CTTN: variants seen among roughly 807,000 people sequenced by gnomAD.
CTTN encodes cortactin.
Under a neutral mutation model 84.0 loss-of-function variants are expected in CTTN, and 28 were observed. That is an observed-to-expected ratio of 0.33 (90% CI 0.25 to 0.46). CTTN has a LOEUF of 0.46. Among genes scored for constraint, CTTN ranks in the 20% least tolerant of loss-of-function variants. The pLI, the probability that CTTN is intolerant of heterozygous loss-of-function variation, is 1.00. For synonymous variants in CTTN, 301 were observed against 288.8 expected, an observed-to-expected ratio of 1.04 and a Z score of -0.43; for missense variants, 641 against 723.8, an observed-to-expected ratio of 0.89 and a Z score of 1.31.
chr11:70,406,806 G>T (rs2058045037), intron 2 of CTTN, among the ~76,000 whole-genome samples: 1 of 152,090 alleles, frequency 6.6e-6, no homozygotes, highest in Admixed American at 6.6e-5. Context: ...TTATTGTTAT[G>T]GTTTCAGTAA....
intron 11 of CTTN, chr11:70,422,421 G>A (rs2058248080): frequency 1.9e-6 from 2 of 1,037,540 alleles, no homozygotes; most frequent in African/African-American, 1.6e-5. Context: ...CTGCATGACA[G>A]TGTGACTTTC....
chr11:70,416,817 A>T, intron 7 of CTTN, 196 bp from the exon 8 acceptor site: 1 of 564,332 alleles, frequency 1.8e-6, no homozygotes, highest in East Asian at 2.9e-5. Flanking sequence ...AGGGCCCAGA[A>T]CCCCCCCATG....
intron 4 of CTTN, 122 bp downstream of exon 4, chr11:70,407,713 C>A: frequency 1.3e-6 from 1 of 770,940 alleles, no homozygotes; most frequent in Non-Finnish European, 2.1e-6. Flanking sequence ...TCTTCTTGAC[C>A]TGATACCCAT....
intron 13 of CTTN, among the ~76,000 whole-genome samples, chr11:70,428,376 G>A (rs540814276): frequency 6.6e-6 from 1 of 151,980 alleles, no homozygotes; most frequent in African/African-American, 2.4e-5. Flanking sequence ...ATGTTGGCCA[G>A]GATGGTCTTG....
chr11:70,414,186 A>G (rs2058129562), intron 5 of CTTN, among the ~76,000 whole-genome samples: 1 of 152,198 alleles, frequency 6.6e-6, no homozygotes, highest in African/African-American at 2.4e-5. Flanking sequence ...TCTACTAAAA[A>G]TACAAAAAAT....
chr11:70,428,939 G>T lies in CTTN; in HGVS notation c.1028-112G>T, dbSNP rs182331157. 94 of 1,335,118 alleles carry T rather than the reference G, an allele frequency of 7.0e-5. No individual in the cohort carries two copies. The East Asian group carries it at 1.0e-3, about 14-fold the overall frequency. The allele number at this position is 1,335,118 out of a possible 1,614,324, so 82.7% of individuals were successfully genotyped here. A position where few individuals can be genotyped will look rare whatever the true frequency, so the allele number is the denominator to read the frequency against. The stretch of plus-strand genomic sequence containing the variant: ...TGCAAGAACCTTTCCCTCCTTGGGG[G>T]TTAGGGGGATGACCGGTTCCTGGGG... On this transcript the variant is annotated intron_variant, in intron 13 of 17. Coordinates refer to ENST00000301843, the MANE Select transcript of CTTN (RefSeq NM_005231.4).
At chr11:70,412,377 C>T (rs1396364257) in intron 5 of CTTN, among the ~76,000 whole-genome samples, 9 of 152,080 alleles carry the variant, frequency 5.9e-5, no homozygotes, top group Non-Finnish European at 1.3e-4. Flanking sequence ...GTCCTGTGAT[C>T]GCACCATTAC....
rs1174442812 is a variant in CTTN, at chr11:70,405,256, T to G, written c.-97-9T>G. Reference sequence around the variant, plus strand: ...CCTTCTCAGCTTTTTACCCTTAATCTTTTTACAGACGGAATCAGTCCCCAA... The same window carrying G: ...CCTTCTCAGCTTTTTACCCTTAATCGTTTTACAGACGGAATCAGTCCCCAA... On this transcript the variant is annotated splice_polypyrimidine_tract_variant and intron_variant, in intron 1 of 17. Transcript: ENST00000301843. 1 of 152,174 alleles carries G rather than the reference T, an allele frequency of 6.6e-6. No individual in the cohort carries two copies. Among genetic ancestry groups the G allele is most frequent in the Non-Finnish European group, 1.5e-5 (1 of 68,028 alleles). The allele number at this position is 152,174 out of a possible 1,614,324, so 9.4% of individuals were successfully genotyped here.
chr11:70,435,042 C>T lies in CTTN; in HGVS notation c.1533C>T (p.Ile511=). 6.2e-7 allele frequency: 1 copy of T among 1,614,044 alleles called. No individual in the cohort carries two copies. The highest frequency in any genetic ancestry group is 8.5e-7 in the Non-Finnish European group (1 of 1,180,020). Residue 511 remains isoleucine, a synonymous_variant, in exon 18 of 18, where the codon ATC becomes ATT. Transcript: ENST00000301843. ...YDYQAAGDDE[I]SFDPDDIITN... Reference sequence around the variant, plus strand: ...CTTCCCCAGCGGGCGATGATGAGATCTCATTTGACCCTGATGACATCATCA... The same window carrying T: ...CTTCCCCAGCGGGCGATGATGAGATTTCATTTGACCCTGATGACATCATCA...
intron 15 of CTTN, among the ~76,000 whole-genome samples, chr11:70,431,588 G>T (rs1316023005): frequency 6.6e-6 from 1 of 152,084 alleles, no homozygotes; most frequent in African/African-American, 2.4e-5. Context: ...TCAGATGGGG[G>T]TGTCTTCACC....
intron 15 of CTTN, 67 bp from the exon 16 acceptor site, chr11:70,433,034 C>A: frequency 6.6e-7 from 1 of 1,504,694 alleles, no homozygotes; most frequent in Non-Finnish European, 9.1e-7. Context: ...CTGGCTGTGG[C>A]AGTACAGCTA....
At chr11:70,406,088 A>G (rs1428865107) in intron 2 of CTTN, among the ~76,000 whole-genome samples, 1 of 152,256 alleles carries the variant, frequency 6.6e-6, no homozygotes, top group Admixed American at 6.5e-5. Flanking sequence ...GCAAAAGCAG[A>G]TCACTCTGGA....
At chr11:70,432,748 G>A (rs909531698) in intron 15 of CTTN, among the ~76,000 whole-genome samples, 1 of 152,218 alleles carries the variant, frequency 6.6e-6, no homozygotes, top group African/African-American at 2.4e-5. Flanking sequence ...TTGGAGATGA[G>A]GCCTAAAAAA....
chr11:70,400,325 G>T (rs1461825798), intron 1 of CTTN, among the ~76,000 whole-genome samples: 2 of 152,110 alleles, frequency 1.3e-5, no homozygotes, highest in Non-Finnish European at 2.9e-5. Context: ...AATTCGCTGG[G>T]CATGTTGGCT....
intron 8 of CTTN, among the ~76,000 whole-genome samples, chr11:70,417,352 GTTATTTAT>G (rs760706283): frequency 6.6e-6 from 1 of 151,960 alleles, no homozygotes; most frequent in Non-Finnish European, 1.5e-5. Flanking sequence ...TGGAATTTAG[GTTATTTAT>G]TTATTTATTT....
At position 70,420,446 on chromosome 11, in the gene CTTN, A is replaced by G. The variant is rs2058219173; in HGVS notation, c.726A>G (p.Arg242=). ...FGGKFGVQTD[R]QDKCALGWDH... ...GAAAATTTGGTGTGCAGACAGACAG[A>G]CAAGACAAATGTGCCCTTGGCTGGG... The change falls in exon 10 of 18, where the codon AGA becomes AGG. Residue 242 remains arginine, a synonymous_variant. Coordinates refer to ENST00000301843, the MANE Select transcript of CTTN (RefSeq NM_005231.4). The G allele has an allele frequency of 1.2e-6, 2 of 1,614,254 alleles. No homozygotes were observed. Among genetic ancestry groups the G allele is most frequent in the Non-Finnish European group, 1.7e-6 (2 of 1,180,040 alleles).
At chr11:70,423,346 A>T (rs550605034) in intron 12 of CTTN, among the ~76,000 whole-genome samples, 1 of 152,230 alleles carries the variant, frequency 6.6e-6, no homozygotes, top group South Asian at 2.1e-4. Context: ...TTGGAACCTG[A>T]GTGTGTTAGA....
In CTTN at chr11:70,417,044, C is replaced by T. The variant is rs578175808; in HGVS notation, c.489C>T (p.Gly163=). ...CCAGTGGTTTTGGCGGCAAGTATGGCGTGCAGGCCGACCGAGTAGACAAGA... is the reference window on the plus strand; with the variant it reads ...CCAGTGGTTTTGGCGGCAAGTATGGTGTGCAGGCCGACCGAGTAGACAAGA... The part of the protein sequence containing the change: ...DYSSGFGGKY[G]VQADRVDKSA... Residue 163 remains glycine (G), a synonymous_variant, in exon 8 of 18, where the codon GGC becomes GGT. Transcript: ENST00000301843. 2.3e-5 allele frequency: 37 copies of T among 1,614,168 alleles called. No homozygotes were observed. In the Admixed American group the frequency reaches 2.7e-4, roughly 12 times the overall value.
intron 1 of CTTN, among the ~76,000 whole-genome samples, chr11:70,400,007 G>A (rs1281676695): frequency 1.3e-5 from 2 of 152,208 alleles, no homozygotes; most frequent in East Asian, 3.8e-4. Context: ...CACTGAGTCA[G>A]TCCTGTTTCT....
Sources: gnomAD v4.1 joint callset for allele counts (sites outside exome capture counted in the v4.1 genomes callset) on GRCh38, gnomAD v4.1.1 for gene constraint, MANE v1.5 for transcripts, NCBI Gene and HGNC (gene_info 2026-07-23, HGNC 2026-07-21) for gene names.